Variants in WDR4 observed in about 807,000 individuals in gnomAD.
The protein encoded by WDR4 is tRNA (guanine-N(7)-)-methyltransferase non-catalytic subunit WDR4.
Under a neutral mutation model 48.6 loss-of-function variants are expected in WDR4, and 47 were observed. That is an observed-to-expected ratio of 0.97 (90% confidence interval 0.77 to 1.23). The LOEUF (loss-of-function observed/expected upper bound fraction) is 1.23, where lower values mean the gene tolerates loss of function less well. WDR4 is among the 50% of genes most tolerant of loss of function. WDR4 has a pLI of 0.00. For missense variants in WDR4, 606 were observed against 551.6 expected (o/e 1.10, Z -0.99); for synonymous variants, 268 against 230.0 (o/e 1.17, Z -1.49).
At position 42,849,955 on chromosome 21, in the gene WDR4, C is replaced by A; in HGVS notation, c.*94G>T. On this transcript the variant is annotated 3_prime_UTR_variant, in exon 11 of 11. Coordinates refer to ENST00000398208, the MANE Select transcript of WDR4 (RefSeq NM_018669.6). ...TCTGAGCTGGTCACAACTGATGTCA[C>A]CTTTTCCTTCTTGAAGGGACATGCC... 6.6e-7 allele frequency: 1 copy of A among 1,514,244 alleles called. No individual in the cohort carries two copies. The highest frequency in any genetic ancestry group is 1.4e-5 in the African/African-American group (1 of 71,658). 93.8% of individuals were successfully genotyped at this position (1,514,244 alleles called of 1,614,324 possible).
At position 42,873,562 on chromosome 21, in the gene WDR4, A is replaced by T. The variant is rs761041223; in HGVS notation, c.285T>A (p.Cys95Ter). ...TTAGCATCTCATACCTGACACTCAG[A>T]CATTGCCATGGTTTTGTACGGAAAA... ...LILFRTKPWQCLSVRTVARRC... is the reference protein window; with the variant it reads ...LILFRTKPWQ Residue 95 changes from cysteine (C) to a stop codon, truncating the protein, a stop_gained, in exon 3 of 11, where the codon TGT becomes TGA. Coordinates refer to ENST00000398208, the MANE Select transcript of WDR4 (RefSeq NM_018669.6). LOFTEE classifies it high-confidence loss of function. 1 of 1,614,148 alleles carries T rather than the reference A, an allele frequency of 6.2e-7. No homozygotes were observed.
chr21:42,859,498 GGCCGCAGGCGGGGAGCGA>G (rs1476158667), intron 6 of WDR4, among the ~76,000 whole-genome samples, 146 bp downstream of exon 6: 5 of 152,158 alleles, frequency 3.3e-5, no homozygotes, highest in Non-Finnish European at 5.9e-5. Context: ...CTGAGTGAGC[GGCCGCAGGCGGGGAGCGA>G]GCCGCAGGCA....
chr21:42,869,781 G>A (rs2058328219), intron 3 of WDR4, among the ~76,000 whole-genome samples: 1 of 152,080 alleles, frequency 6.6e-6, no homozygotes, highest in African/African-American at 2.4e-5. Context: ...AAGCCGATGT[G>A]GGTGGATCAC....
intron 3 of WDR4, among the ~76,000 whole-genome samples, chr21:42,865,021 GC>G (rs2058216664): frequency 6.6e-6 from 1 of 152,150 alleles, no homozygotes; most frequent in South Asian, 2.1e-4. Flanking sequence ...TGAGATGGAA[GC>G]TTCAGGAACG....
At chr21:42,845,560 T>C (rs2057703838), downstream of WDR4, among the ~76,000 whole-genome samples, 1 of 152,102 alleles carries the variant, frequency 6.6e-6, no homozygotes, top group African/African-American at 2.4e-5. Flanking sequence ...TTTGGTAAGG[T>C]GGCCTCAGAG....
At chr21:42,877,845 C>T (rs755227016) in intron 1 of WDR4, among the ~76,000 whole-genome samples, 36 of 152,066 alleles carry the variant, frequency 2.4e-4, no homozygotes, top group African/African-American at 8.7e-4. Flanking sequence ...GAGATCGAGA[C>T]CAGCCTGGCT....
chr21:42,859,842 C>T, intron 5 of WDR4, 120 bp from the exon 6 acceptor site: 1 of 1,016,336 alleles, frequency 9.8e-7, no homozygotes, highest in Non-Finnish European at 1.5e-6. Flanking sequence ...CCCCCTGATC[C>T]AATAAAAACA....
intron 5 of WDR4, among the ~76,000 whole-genome samples, chr21:42,860,724 C>T (rs552796286): frequency 2.6e-5 from 4 of 152,236 alleles, no homozygotes; most frequent in Non-Finnish European, 4.4e-5. Flanking sequence ...TTTGAAAGGC[C>T]GGGAAACCAG....
Position 42,877,762 on chromosome 21 carries a change from G to A in WDR4, c.90-995C>T, listed in dbSNP as rs376043693. On this transcript the variant is annotated intron_variant, in intron 1 of 10. Coordinates refer to ENST00000398208, the MANE Select transcript of WDR4 (RefSeq NM_018669.6). ...ATGCGACATGGTTATAAGAAATTAC[G>A]GGCCGGGCGCGGTGGTTCACGCCTG... 8.6e-5 allele frequency among the ~76,000 whole-genome samples: 13 copies of A among 151,936 alleles called. No individual in the cohort carries two copies. In the East Asian group the frequency reaches 1.5e-3, roughly 18 times the overall value.
chr21:42,871,304 AACT>A (rs748833121), intron 3 of WDR4, among the ~76,000 whole-genome samples: 2 of 152,330 alleles, frequency 1.3e-5, no homozygotes, highest in South Asian at 4.1e-4. Flanking sequence ...AGACTAGGAC[AACT>A]ACTATCTTCT....
the WDR4 span, among the ~76,000 whole-genome samples, chr21:42,890,263 C>T: frequency 6.6e-6 from 1 of 150,770 alleles, no homozygotes; most frequent in East Asian, 2.0e-4. Flanking sequence ...CGGCCAGGCA[C>T]GGTGGCTCAC....
chr21:42,879,177 C>G (rs368542294), intron 1 of WDR4: 1 of 1,333,460 alleles, frequency 7.5e-7, no homozygotes, highest in Non-Finnish European at 9.6e-7. Context: ...GTGCAAGGAG[C>G]GCGCCGGAGC....
chr21:42,876,621 G>T, intron 2 of WDR4, 81 bp downstream of exon 2: 1 of 1,338,842 alleles, frequency 7.5e-7, no homozygotes, highest in Non-Finnish European at 1.1e-6. Flanking sequence ...CAGCAAGTAG[G>T]ACAACAATTG....
At chr21:42,887,140 G>A in the WDR4 span, among the ~76,000 whole-genome samples, 71 of 152,160 alleles carry the variant, frequency 4.7e-4, no homozygotes, top group Non-Finnish European at 9.4e-4. Flanking sequence ...TTACAGGCAA[G>A]CACCACCATG....
chr21:42,877,404 A>G (rs1021242353), intron 1 of WDR4, among the ~76,000 whole-genome samples: 1 of 150,248 alleles, frequency 6.7e-6, no homozygotes, highest in African/African-American at 2.4e-5. Flanking sequence ...TCAGCCTCCC[A>G]AAGTGCTGAG....
At chr21:42,851,660 G>A (rs1255638550) in intron 10 of WDR4, among the ~76,000 whole-genome samples, 1 of 152,196 alleles carries the variant, frequency 6.6e-6, no homozygotes, top group Non-Finnish European at 1.5e-5. Context: ...GTCCCCAGAA[G>A]GCAGGGTAGA....
intron 9 of WDR4, 129 bp downstream of exon 9, chr21:42,853,440 C>A (rs1041656470): frequency 2.7e-6 from 3 of 1,113,382 alleles, no homozygotes; most frequent in Admixed American, 2.8e-5. Context: ...AGGACACAGA[C>A]CCTGGGCCCC....
intron 2 of WDR4, among the ~76,000 whole-genome samples, chr21:42,875,770 A>G (rs1417820760): frequency 6.6e-6 from 1 of 152,208 alleles, no homozygotes; most frequent in Non-Finnish European, 1.5e-5. Context: ...GAAAGCCACC[A>G]TACGAAACAC....
downstream of WDR4, among the ~76,000 whole-genome samples, chr21:42,846,573 C>T (rs148194240): frequency 1.3e-5 from 2 of 152,322 alleles, no homozygotes; most frequent in African/African-American, 4.8e-5. Context: ...ACGGGCTGGG[C>T]ATAATGGCTC....
Sources: gnomAD v4.1 joint callset for allele counts (sites outside exome capture counted in the v4.1 genomes callset) on GRCh38, gnomAD v4.1.1 for gene constraint, MANE v1.5 for transcripts, NCBI Gene and HGNC (gene_info 2026-07-23, HGNC 2026-07-21) for gene names.